The following PAK3 variants were observed in gnomAD, a reference collection of about 807,000 sequenced individuals.
The protein encoded by PAK3 is serine/threonine-protein kinase PAK 3.
A neutral mutation model predicts 41.0 loss-of-function variants in PAK3; 4 were observed. The ratio of observed to expected loss-of-function variants is 0.10; its 90% CI spans 0.05 to 0.22. The LOEUF (loss-of-function observed/expected upper bound fraction) is 0.22. PAK3 is among the 10% of genes least tolerant of loss of function. The pLI, the probability that PAK3 is intolerant of heterozygous loss-of-function variation, is 1.00. For synonymous variants in PAK3, 146 were observed against 139.6 expected (o/e 1.05, Z -0.32); for missense variants, 205 against 409.9 (o/e 0.50, Z 4.32).
chrX:111,177,033 A>AT (rs753509575), intron 11 of PAK3, among the ~76,000 whole-genome samples: 12 of 105,411 alleles, frequency 1.1e-4, no homozygotes, highest in Admixed American at 4.1e-4. Flanking sequence ...CTTTCAACTG[A>AT]TTTTTTTTTC....
intron 4 of PAK3, among the ~76,000 whole-genome samples, chrX:111,108,302 G>A (rs2093311332): frequency 8.9e-6 from 1 of 111,870 alleles, no homozygotes; most frequent in Non-Finnish European, 1.9e-5. Flanking sequence ...GCCTAAAGTG[G>A]AGTAATAAGA....
intron 1 of PAK3, among the ~76,000 whole-genome samples, chrX:110,968,143 T>G (rs1319531044): frequency 8.9e-6 from 1 of 112,725 alleles, no homozygotes; most frequent in African/African-American, 3.2e-5. Flanking sequence ...CCACCCAGGT[T>G]GTTGCATATA....
At chrX:111,174,171 T>A (rs746940340) in intron 11 of PAK3, among the ~76,000 whole-genome samples, 70 of 111,955 alleles carry the variant, frequency 6.3e-4, no homozygotes, top group Non-Finnish European at 1.1e-3. Flanking sequence ...AAAGTATACA[T>A]CATATATAAG....
chrX:111,129,040 C>A (rs946783021), intron 5 of PAK3, among the ~76,000 whole-genome samples: 3 of 111,186 alleles, frequency 2.7e-5, no homozygotes, highest in African/African-American at 9.8e-5. Flanking sequence ...TAGAGTATGT[C>A]ATCTTCTATA....
chrX:110,963,554 G>A (rs2091021820), intron 1 of PAK3, among the ~76,000 whole-genome samples: 1 of 112,629 alleles, frequency 8.9e-6, no homozygotes, highest in Non-Finnish European at 1.9e-5. Context: ...GGTGAGTGGA[G>A]CCTATGGCCA....
At chrX:111,169,843 C>T (rs1003647227) in intron 10 of PAK3, among the ~76,000 whole-genome samples, 1 of 111,668 alleles carries the variant, frequency 9.0e-6, no homozygotes, top group Non-Finnish European at 1.9e-5. Flanking sequence ...GCATAAAGTT[C>T]TAGTGGGGAA....
intron 1 of PAK3, among the ~76,000 whole-genome samples, chrX:111,005,964 C>A (rs1036659538): frequency 5.4e-5 from 6 of 111,441 alleles, no homozygotes; most frequent in African/African-American, 2.0e-4. Flanking sequence ...GAGGTCTAGA[C>A]AAATTATACC....
Position 111,171,115 on chromosome X carries a change from A to G in PAK3, c.767-1903A>G, listed in dbSNP as rs1385820094. Reference sequence around the variant, plus strand: ...AGAAAGCAGAGTCTATGAGTAGGTTATGACTGGCACAATTGTTTGAATAAG... The same window carrying G: ...AGAAAGCAGAGTCTATGAGTAGGTTGTGACTGGCACAATTGTTTGAATAAG... On this transcript the variant is annotated intron_variant, in intron 10 of 17. Transcript: ENST00000372007. 3.6e-5 allele frequency among the ~76,000 whole-genome samples: 4 copies of G among 111,358 alleles called. No individual in the cohort carries two copies. The South Asian group carries it at 1.2e-3, about 32-fold the overall frequency.
intron 1 of PAK3, among the ~76,000 whole-genome samples, chrX:110,970,586 A>G (rs1273546229): frequency 2.7e-5 from 3 of 110,849 alleles, no homozygotes; most frequent in Non-Finnish European, 5.7e-5. Flanking sequence ...ATCACACACC[A>G]GGGCCTGCTG....
At chrX:111,021,986 G>C (rs770221607) in intron 1 of PAK3, among the ~76,000 whole-genome samples, 5 of 111,286 alleles carry the variant, frequency 4.5e-5, no homozygotes, top group Admixed American at 1.9e-4. Context: ...AAAGAAAAAA[G>C]AATTTTTAAA....
chrX:111,108,593 C>G (rs989860216), intron 4 of PAK3, among the ~76,000 whole-genome samples: 1 of 112,518 alleles, frequency 8.9e-6, no homozygotes, highest in African/African-American at 3.2e-5. Context: ...TTGTGTGCTC[C>G]TTATGAGAAT....
intron 8 of PAK3, among the ~76,000 whole-genome samples, chrX:111,160,440 CATTTTATTTT>C (rs60050367): frequency 4.6e-5 from 5 of 107,545 alleles, no homozygotes; most frequent in East Asian, 2.8e-4. Context: ...AGGCTAGCCA[CATTTTATTTT>C]ATTTTATTTT....
intron 8 of PAK3, chrX:111,152,725 C>T (rs751086221): frequency 1.5e-4 from 33 of 221,559 alleles, no homozygotes; most frequent in Non-Finnish European, 2.4e-4. Flanking sequence ...CCACCCACCC[C>T]ACCCTAGTCA....
chrX:111,182,205 G>A (rs1376517722), intron 11 of PAK3, among the ~76,000 whole-genome samples: 2 of 111,021 alleles, frequency 1.8e-5, no homozygotes, highest in Admixed American at 1.9e-4. Flanking sequence ...TGAAACAGCT[G>A]CTTAGATTTA....
chrX:111,118,335 G>T (rs922810187), intron 4 of PAK3, among the ~76,000 whole-genome samples: 1 of 111,411 alleles, frequency 9.0e-6, no homozygotes, highest in Non-Finnish European at 1.9e-5. Context: ...TCAAGTCTAT[G>T]CCTGAAAGCT....
At chrX:111,163,108 T>A (rs1485255938) in intron 9 of PAK3, 62 bp downstream of exon 9, 2 of 1,064,073 alleles carry the variant, frequency 1.9e-6, no homozygotes, top group East Asian at 6.0e-5. Flanking sequence ...AGTCATAGAG[T>A]TAGAATATAG....
chrX:111,162,863 A>G, intron 8 of PAK3, 52 bp from the exon 9 acceptor site: 1 of 1,100,476 alleles, frequency 9.1e-7, no homozygotes, highest in East Asian at 3.0e-5. Context: ...ATTTCTGAAG[A>G]AAAACAATGA....
chrX:111,069,360 A>G (rs1340894066), intron 1 of PAK3, among the ~76,000 whole-genome samples: 2 of 111,509 alleles, frequency 1.8e-5, no homozygotes, highest in Non-Finnish European at 3.8e-5. Flanking sequence ...GTCCTGGAGA[A>G]AAAACAATCC....
chrX:111,017,542 T>G (rs1283185316), intron 1 of PAK3, among the ~76,000 whole-genome samples: 1 of 111,806 alleles, frequency 8.9e-6, no homozygotes, highest in African/African-American at 3.2e-5. Context: ...TATTGAATTA[T>G]GAAGAAATAG....
Sources: gnomAD v4.1 joint callset for allele counts (sites outside exome capture counted in the v4.1 genomes callset) on GRCh38, gnomAD v4.1.1 for gene constraint, MANE v1.5 for transcripts, NCBI Gene and HGNC (gene_info 2026-07-23, HGNC 2026-07-21) for gene names.